The following TMED8 variants were observed in gnomAD, a reference collection of about 807,000 sequenced individuals.
TMED8 encodes transmembrane p24 trafficking protein family member 8.
Under a neutral mutation model 32.7 loss-of-function variants are expected in TMED8, and 15 were observed. The observed-to-expected ratio is 0.46, with a 90% CI of 0.31 to 0.71. TMED8 has a LOEUF of 0.71. Ranked by LOEUF, TMED8 falls within the 30% of genes least tolerant of loss-of-function variation. The pLI is 0.06. For missense variants in TMED8, 390 were observed against 423.9 expected (o/e 0.92, Z 0.70); for synonymous variants, 147 against 161.4 (o/e 0.91, Z 0.68).
At chr14:77,358,124 CAAA>C (rs35361617) in intron 1 of TMED8, among the ~76,000 whole-genome samples, 5 of 76,242 alleles carry the variant, frequency 6.6e-5, no homozygotes, top group East Asian at 4.0e-4. Context: ...GCTCTGTCTC[CAAA>C]AAAAAAAAAA....
rs1235685525 is a variant in TMED8, at chr14:77,346,448, A to C, written c.228T>G (p.Asp76Glu). ...TTGCTTTCCGCAGATCTTCCGTGGC[A>C]TCCTTACTCACTGGAGATACCATCT... Reference protein sequence around the residue: ...RPQMVSPVSKDATEDLRKATG... With the variant: ...RPQMVSPVSKEATEDLRKATG... Residue 76 changes from aspartate (D) to glutamate (E), a missense_variant, in exon 3 of 6, where the codon GAT becomes GAG. Asp to Glu is a conservative substitution (Grantham distance 45). Coordinates refer to ENST00000216468, the MANE Select transcript of TMED8 (RefSeq NM_213601.3). 3 of 1,614,190 alleles carry C rather than the reference A, an allele frequency of 1.9e-6. No homozygotes were observed. Among genetic ancestry groups the C allele is most frequent in the Non-Finnish European group, 2.5e-6 (3 of 1,180,038 alleles).
At chr14:77,372,926 ATATATATATATATATATATATATATAT>A (rs1337230010) in intron 1 of TMED8, among the ~76,000 whole-genome samples, 35 of 25,464 alleles carry the variant, frequency 1.4e-3, no homozygotes, top group African/African-American at 9.6e-3. Context: ...ATATATATAT[ATATATATATATATATATATATATATAT>A]TTTTTTTTTT....
chr14:77,355,448 G>A (rs145565723), intron 1 of TMED8, among the ~76,000 whole-genome samples: 3,869 of 151,784 alleles, frequency 0.025, 177 homozygotes, highest in African/African-American at 0.089. Flanking sequence ...CACCCGCCTC[G>A]GCCTCCCAAA....
chr14:77,352,319 C>A (rs1893198253), intron 1 of TMED8, among the ~76,000 whole-genome samples: 1 of 152,074 alleles, frequency 6.6e-6, no homozygotes, highest in South Asian at 2.1e-4. Flanking sequence ...TAGGCTGAGG[C>A]AGAAGAATCA....
At chr14:77,371,713 A>G (rs1893682975) in intron 1 of TMED8, among the ~76,000 whole-genome samples, 1 of 152,196 alleles carries the variant, frequency 6.6e-6, no homozygotes, top group Non-Finnish European at 1.5e-5. Flanking sequence ...ACAGCCTTTT[A>G]GGTTTCCTGA....
chr14:77,360,972 C>T (rs918078738), intron 1 of TMED8, among the ~76,000 whole-genome samples: 6 of 126,640 alleles, frequency 4.7e-5, no homozygotes, highest in Non-Finnish European at 9.6e-5. Context: ...AGATCCTTTG[C>T]CTTTTTTTTT....
intron 1 of TMED8, among the ~76,000 whole-genome samples, chr14:77,351,966 C>T (rs760404736): frequency 2.6e-5 from 4 of 152,144 alleles, no homozygotes; most frequent in South Asian, 2.1e-4. Context: ...AAAAATAAAT[C>T]ATTTCTAAAA....
intron 1 of TMED8, among the ~76,000 whole-genome samples, chr14:77,372,165 T>C (rs1220963009): frequency 6.6e-6 from 1 of 152,200 alleles, no homozygotes. Flanking sequence ...AATTTATCAT[T>C]GATGGCCACT....
chr14:77,369,610 T>C (rs1049837153), intron 1 of TMED8, among the ~76,000 whole-genome samples: 3 of 152,234 alleles, frequency 2.0e-5, no homozygotes. Context: ...GAATCCAGCA[T>C]GTACCCTCAG....
intron 5 of TMED8, among the ~76,000 whole-genome samples, chr14:77,342,248 T>C (rs927532138): frequency 1.3e-5 from 2 of 152,210 alleles, no homozygotes; most frequent in Non-Finnish European, 1.5e-5. Context: ...ATGCCAATAA[T>C]GTCTCCACTG....
intron 1 of TMED8, among the ~76,000 whole-genome samples, chr14:77,363,577 A>C (rs1261949271): frequency 1.3e-5 from 2 of 152,164 alleles, no homozygotes; most frequent in African/African-American, 4.8e-5. Flanking sequence ...CAGGAGGATC[A>C]CTTGAGTTCC....
At chr14:77,346,037 AAAGT>A (rs1893023328) in intron 3 of TMED8, among the ~76,000 whole-genome samples, 1 of 152,162 alleles carries the variant, frequency 6.6e-6, no homozygotes, top group Admixed American at 6.5e-5. Context: ...TACCACAAGA[AAAGT>A]AAGAGCAAAA....
chr14:77,345,100 G>A (rs573743856), intron 3 of TMED8, among the ~76,000 whole-genome samples: 12 of 152,272 alleles, frequency 7.9e-5, no homozygotes, highest in African/African-American at 2.6e-4. Flanking sequence ...CAATTCTCCT[G>A]CCTCAGCCTC....
At chr14:77,351,632 G>C in intron 2 of TMED8, 41 bp downstream of exon 2, 1 of 1,535,644 alleles carries the variant, frequency 6.5e-7, no homozygotes. Flanking sequence ...CCTCATCTCA[G>C]AAGATAAAAC....
rs138719050 is a variant in TMED8 at position 77,352,802 on chromosome 14, G to T, written c.119-1051C>A. Reference sequence around the variant, plus strand: ...CTCAGAAAGCAGATGGTTAAATTAGGCAGAACATAGAGGGCAGAGTGGGAT... The same window carrying T: ...CTCAGAAAGCAGATGGTTAAATTAGTCAGAACATAGAGGGCAGAGTGGGAT... On this transcript the variant is annotated intron_variant, in intron 1 of 5. Transcript: ENST00000216468. Among the ~76,000 whole-genome samples, 347 of 152,182 alleles carry T rather than the reference G, an allele frequency of 2.3e-3. 2 individuals carry two copies. Among genetic ancestry groups the T allele is most frequent in the Non-Finnish European group, 3.6e-3 (245 of 68,004 alleles).
intron 5 of TMED8, 75 bp from the exon 6 acceptor site, chr14:77,342,063 C>A: frequency 7.5e-7 from 1 of 1,327,310 alleles, no homozygotes; most frequent in Non-Finnish European, 1.1e-6. Context: ...GACCAGGTGA[C>A]CCAGTGGCTT....
chr14:77,362,806 A>C (rs1169315646), intron 1 of TMED8, among the ~76,000 whole-genome samples: 1 of 152,248 alleles, frequency 6.6e-6, no homozygotes, highest in East Asian at 1.9e-4. Context: ...CCATGTAAAC[A>C]GTAACCAAGA....
intron 1 of TMED8, among the ~76,000 whole-genome samples, chr14:77,356,697 A>G (rs1893297631): frequency 6.6e-6 from 1 of 152,214 alleles, no homozygotes; most frequent in Non-Finnish European, 1.5e-5. Context: ...CCCATGTTCA[A>G]ATTTCTCCAA....
intron 1 of TMED8, among the ~76,000 whole-genome samples, chr14:77,374,778 T>C (rs996855949): frequency 6.6e-6 from 1 of 152,202 alleles, no homozygotes; most frequent in African/African-American, 2.4e-5. Context: ...AGATAAAGAA[T>C]TGTAATAAAA....
Sources: allele counts gnomAD v4.1 joint callset (sites outside exome capture counted in the v4.1 genomes callset), GRCh38; gene constraint gnomAD v4.1.1; transcripts MANE v1.5; gene names NCBI Gene and HGNC (gene_info 2026-07-23, HGNC 2026-07-21).